Variants in FGGY observed in about 807,000 individuals in gnomAD.
FGGY encodes the protein FGGY carbohydrate kinase domain-containing protein.
FGGY carries 72 observed loss-of-function variants against 71.3 expected under a neutral mutation model. That is an observed-to-expected ratio of 1.01 (90% CI 0.84 to 1.23). The LOEUF is 1.23. FGGY is among the 50% of genes most tolerant of loss of function. FGGY has a pLI of 0.00. For synonymous variants in FGGY, 251 were observed against 250.3 expected, an observed-to-expected ratio of 1.00 and a Z score of -0.02; for missense variants, 668 against 682.3, an observed-to-expected ratio of 0.98 and a Z score of 0.23.
intron 4 of FGGY, among the ~76,000 whole-genome samples, chr1:59,376,084 A>G (rs1337323068): frequency 6.6e-6 from 1 of 152,084 alleles, no homozygotes; most frequent in Non-Finnish European, 1.5e-5. Flanking sequence ...GATTTCAGGG[A>G]CTAGCCAAAA....
At chr1:59,722,048 A>G (rs914187379) in intron 14 of FGGY, among the ~76,000 whole-genome samples, 1 of 152,194 alleles carries the variant, frequency 6.6e-6, no homozygotes. Flanking sequence ...CTTCCAGGAC[A>G]CCACGTTACA....
chr1:59,309,116 A>G (rs2043870501), intron 1 of FGGY, among the ~76,000 whole-genome samples: 1 of 152,182 alleles, frequency 6.6e-6, no homozygotes, highest in African/African-American at 2.4e-5. Flanking sequence ...AAAAATGGAT[A>G]GATAGTACTA....
At position 59,620,951 on chromosome 1, in the gene FGGY, G is replaced by T. The variant is rs142473039; in HGVS notation, c.1012-5037G>T. Among the ~76,000 whole-genome samples the T allele has an allele frequency of 1.1e-3, 170 of 152,130 alleles. 2 individuals carry two copies. Among genetic ancestry groups the T allele is most frequent in the South Asian group, 6.0e-3 (29 of 4,818 alleles). ...TACCATAACAAAATACCACAGGTTG[G>T]GTGGCTTAAACAACAGACATTTATT... On this transcript the variant is annotated intron_variant, in intron 9 of 15. Coordinates refer to ENST00000303721, the MANE Select transcript of FGGY (RefSeq NM_018291.5).
At chr1:59,639,026 T>A (rs1478266738) in intron 11 of FGGY, among the ~76,000 whole-genome samples, 1 of 151,984 alleles carries the variant, frequency 6.6e-6, no homozygotes, top group African/African-American at 2.4e-5. Context: ...AGAATCATGT[T>A]TGAGGTGTGA....
At chr1:59,675,259 T>C (rs4447001) in intron 14 of FGGY, among the ~76,000 whole-genome samples, 6 of 151,948 alleles carry the variant, frequency 3.9e-5, no homozygotes, top group Admixed American at 6.5e-5. Context: ...AGTAGCTCAG[T>C]AATTAGAGCT....
Position 59,425,519 on chromosome 1 carries a change from A to G in FGGY, c.555-31442A>G, listed in dbSNP as rs115193280. Reference sequence around the variant, plus strand: ...GGAGGGAAAGGGAAATGAGCTTTCCATTTTGGGAGAAAAATTAGAGCTACT... The same window carrying G: ...GGAGGGAAAGGGAAATGAGCTTTCCGTTTTGGGAGAAAAATTAGAGCTACT... On this transcript the variant is annotated intron_variant, in intron 5 of 15. Coordinates refer to ENST00000303721, the MANE Select transcript of FGGY (RefSeq NM_018291.5). Among the ~76,000 whole-genome samples the G allele has an allele frequency of 4.2e-3, 639 of 152,230 alleles. 5 individuals carry two copies. Among genetic ancestry groups the G allele is most frequent in the Non-Finnish European group, 5.8e-3 (395 of 67,998 alleles).
chr1:59,524,620 C>G (rs999284327), intron 7 of FGGY, among the ~76,000 whole-genome samples: 1 of 152,198 alleles, frequency 6.6e-6, no homozygotes, highest in Non-Finnish European at 1.5e-5. Context: ...AAGGAGCTAC[C>G]CACTTTGGGT....
chr1:59,536,465 C>T (rs1162646652), intron 7 of FGGY, among the ~76,000 whole-genome samples: 1 of 152,186 alleles, frequency 6.6e-6, no homozygotes, highest in African/African-American at 2.4e-5. Context: ...AGGTATCCTC[C>T]CTAACTCATT....
intron 14 of FGGY, among the ~76,000 whole-genome samples, chr1:59,690,136 T>C (rs904792052): frequency 1.3e-5 from 2 of 152,194 alleles, no homozygotes; most frequent in African/African-American, 4.8e-5. Flanking sequence ...TTGAAGCAAG[T>C]GTTTCAATGA....
intron 12 of FGGY, among the ~76,000 whole-genome samples, chr1:59,662,833 T>TCACCC: frequency 6.6e-6 from 1 of 152,280 alleles, no homozygotes; most frequent in Non-Finnish European, 1.5e-5. Flanking sequence ...CATGACAAAA[T>TCACCC]CACCTAACAA....
intron 8 of FGGY, among the ~76,000 whole-genome samples, chr1:59,583,941 G>A (rs1318450832): frequency 2.6e-5 from 3 of 115,726 alleles, no homozygotes; most frequent in Non-Finnish European, 5.5e-5. Context: ...AAGTGTCGAC[G>A]GCTCACCACT....
At chr1:59,738,491 G>A (rs896380095) in intron 14 of FGGY, among the ~76,000 whole-genome samples, 13 of 152,198 alleles carry the variant, frequency 8.5e-5, no homozygotes, top group African/African-American at 2.9e-4. Flanking sequence ...AAATGCTGTG[G>A]TTTCCCCAGA....
At position 59,723,831 on chromosome 1, in the gene FGGY, AT is replaced by A. The variant is rs552306841; in HGVS notation, c.1513-34098del. On this transcript the variant is annotated intron_variant, in intron 14 of 15. Transcript: ENST00000303721. ...AAATGCATAATGTCATGCATATTCAATTACAATATCATATAGAATAGTTTCA... is the reference window on the plus strand; with the variant it reads ...AAATGCATAATGTCATGCATATTCAATACAATATCATATAGAATAGTTTCA... 7.2e-5 allele frequency among the ~76,000 whole-genome samples: 11 copies of A among 152,334 alleles called. No homozygotes were observed. The South Asian group carries it at 1.9e-3, about 26-fold the overall frequency.
intron 6 of FGGY, among the ~76,000 whole-genome samples, chr1:59,473,948 G>T (rs929605491): frequency 6.6e-6 from 1 of 152,114 alleles, no homozygotes; most frequent in Non-Finnish European, 1.5e-5. Flanking sequence ...AAGGTTTGTT[G>T]TGAAGCTGGA....
chr1:59,514,426 G>A (rs145450395), intron 7 of FGGY, among the ~76,000 whole-genome samples: 3 of 152,226 alleles, frequency 2.0e-5, no homozygotes, highest in Non-Finnish European at 4.4e-5. Context: ...ATGTCCTCCA[G>A]GAGGGGAGAC....
At chr1:59,474,764 A>T (rs1419345126) in intron 6 of FGGY, among the ~76,000 whole-genome samples, 1 of 152,222 alleles carries the variant, frequency 6.6e-6, no homozygotes, top group Non-Finnish European at 1.5e-5. Flanking sequence ...GAGAATAAAT[A>T]AGTAATAAGT....
In FGGY at chr1:59,538,109, G is replaced by T. The variant is rs370065357; in HGVS notation, c.800-16015G>T. On this transcript the variant is annotated intron_variant, in intron 7 of 15. Coordinates refer to ENST00000303721, the MANE Select transcript of FGGY (RefSeq NM_018291.5). Reference sequence around the variant, plus strand: ...TCACAACCTGCTCATCTGACAAAGGGCTAATATCCAGAATCTACAATGAAC... The same window carrying T: ...TCACAACCTGCTCATCTGACAAAGGTCTAATATCCAGAATCTACAATGAAC... 1.6e-4 allele frequency among the ~76,000 whole-genome samples: 24 copies of T among 152,188 alleles called. No homozygotes were observed. The East Asian group carries it at 4.6e-3, about 29-fold the overall frequency.
At chr1:59,456,022 GACCAT>G (rs1418147561) in intron 5 of FGGY, among the ~76,000 whole-genome samples, 1 of 152,184 alleles carries the variant, frequency 6.6e-6, no homozygotes, top group African/African-American at 2.4e-5. Context: ...AGACTGGGAT[GACCAT>G]ACTCTTTATT....
At position 59,512,438 on chromosome 1, in the gene FGGY, A is replaced by C. The variant is rs770249678; in HGVS notation, c.798A>C (p.Leu266=). ...ASLIDAHAGG[L]GVIGADVRGH... is the part of the protein sequence containing the mutation. ...TCATTGATGCCCATGCAGGAGGACT[A>C]GGTAATCTCTTATTTGTTGCCTACA... is the stretch of plus-strand genomic sequence containing the variant. Residue 266 remains leucine (L), a splice_region_variant and synonymous_variant, in exon 7 of 16, where the codon CTA becomes CTC. Transcript: ENST00000303721. The C allele has an allele frequency of 6.2e-7, 1 of 1,613,108 alleles. No homozygotes were observed. Among genetic ancestry groups the C allele is most frequent in the Non-Finnish European group, 8.5e-7 (1 of 1,179,452 alleles).
Sources: gnomAD v4.1 joint callset for allele counts (sites outside exome capture counted in the v4.1 genomes callset) on GRCh38, gnomAD v4.1.1 for gene constraint, MANE v1.5 for transcripts, NCBI Gene and HGNC (gene_info 2026-07-23, HGNC 2026-07-21) for gene names.